FOXN3: variants seen among roughly 807,000 people sequenced by gnomAD.
FOXN3 encodes the protein forkhead box N3.
FOXN3 carries 7 observed loss-of-function variants against 38.4 expected under a neutral mutation model. That is an observed-to-expected ratio of 0.18 (90% CI 0.10 to 0.34). The LOEUF is 0.34. FOXN3 is among the 10% of genes least tolerant of loss of function. FOXN3 has a pLI of 1.00. For synonymous variants in FOXN3, 230 were observed against 242.2 expected (o/e 0.95, Z 0.47); for missense variants, 456 against 613.4 (o/e 0.74, Z 2.71).
chr14:89,433,311 A>G (rs1475095872), intron 1 of FOXN3, among the ~76,000 whole-genome samples: 3 of 152,126 alleles, frequency 2.0e-5, no homozygotes, highest in Non-Finnish European at 2.9e-5. Flanking sequence ...GTGAAACCCC[A>G]TCTCTACTAA....
At chr14:89,360,759 TCCACCACTACC>T (rs1889489304) in intron 2 of FOXN3, among the ~76,000 whole-genome samples, 2 of 38,918 alleles carry the variant, frequency 5.1e-5, no homozygotes, top group Admixed American at 2.4e-4. Flanking sequence ...CACCACCACC[TCCACCACTACC>T]ACCTCCACCA....
At chr14:89,230,003 A>G (rs762360252) in intron 4 of FOXN3, among the ~76,000 whole-genome samples, 10 of 152,194 alleles carry the variant, frequency 6.6e-5, no homozygotes, top group Non-Finnish European at 1.0e-4. Context: ...GACAGGGTAC[A>G]ACACCACTGA....
chr14:89,338,590 G>C (rs1004249276), intron 3 of FOXN3, among the ~76,000 whole-genome samples: 1 of 152,142 alleles, frequency 6.6e-6, no homozygotes, highest in Non-Finnish European at 1.5e-5. Flanking sequence ...GGTCAGGAGT[G>C]CAAGACCAGC....
intron 1 of FOXN3, among the ~76,000 whole-genome samples, chr14:89,499,943 G>A (rs561656622): frequency 6.6e-6 from 1 of 152,018 alleles, no homozygotes; most frequent in South Asian, 2.1e-4. Context: ...TCCGCATCTC[G>A]GGTTCAAGTG....
At chr14:89,387,325 C>T (rs981378766) in intron 2 of FOXN3, among the ~76,000 whole-genome samples, 1 of 152,072 alleles carries the variant, frequency 6.6e-6, no homozygotes. Context: ...ATCTATAGCA[C>T]CAACATGAAG....
At chr14:89,256,976 A>T (rs1223163275) in intron 4 of FOXN3, among the ~76,000 whole-genome samples, 1 of 152,192 alleles carries the variant, frequency 6.6e-6, no homozygotes, top group African/African-American at 2.4e-5. Flanking sequence ...CAAGATATTC[A>T]TTATTTTCTG....
chr14:89,256,263 G>A (rs1885616627), intron 4 of FOXN3, among the ~76,000 whole-genome samples: 2 of 152,166 alleles, frequency 1.3e-5, no homozygotes, highest in African/African-American at 4.8e-5. Flanking sequence ...TCTCTCATAT[G>A]AAAATCAATC....
intron 5 of FOXN3, among the ~76,000 whole-genome samples, chr14:89,178,527 G>A (rs1460279370): frequency 2.0e-5 from 3 of 152,212 alleles, no homozygotes; most frequent in African/African-American, 7.2e-5. Context: ...TGATACACAA[G>A]TTTGGCTCAG....
chr14:89,185,092 T>C (rs979730061), intron 4 of FOXN3, among the ~76,000 whole-genome samples: 2 of 152,212 alleles, frequency 1.3e-5, no homozygotes, highest in African/African-American at 4.8e-5. Context: ...GACTCAGCTC[T>C]TCCTCTGAAT....
At chr14:89,472,720 CAAAA>C (rs1157948946) in intron 1 of FOXN3, among the ~76,000 whole-genome samples, 2 of 46,586 alleles carry the variant, frequency 4.3e-5, no homozygotes, top group Non-Finnish European at 4.4e-5. Flanking sequence ...GACCCCATCT[CAAAA>C]AAAAAAAAAA....
chr14:89,449,642 G>C (rs112391200), intron 1 of FOXN3, among the ~76,000 whole-genome samples: 1 of 152,180 alleles, frequency 6.6e-6, no homozygotes, highest in African/African-American at 2.4e-5. Context: ...GAATTACCAC[G>C]TTTTTGGGGG....
chr14:89,162,626 GCTT>G lies in FOXN3; in HGVS notation c.1192_1194del (p.Lys398del). On this transcript the variant is annotated inframe_deletion, in exon 6 of 6. Transcript: ENST00000557258. The surrounding 1 kb of genome is among the most constrained non-coding windows in gnomAD (Gnocchi z 7.2). ...TTCCTGGCCTTGGCGAAGTGCTGGC[GCTT>G]CTTGTGCTGGGATGCGTACCCGCTG... The G allele has an allele frequency of 6.2e-7, 1 of 1,613,934 alleles. No homozygotes were observed. Among genetic ancestry groups the G allele is most frequent in the Non-Finnish European group, 8.5e-7 (1 of 1,179,946 alleles).
At chr14:89,396,794 T>C (rs908260361) in intron 2 of FOXN3, among the ~76,000 whole-genome samples, 27 of 142,626 alleles carry the variant, frequency 1.9e-4, no homozygotes, top group African/African-American at 6.9e-4. Context: ...ATTGTGCCAC[T>C]GCACTCCAGC....
intron 3 of FOXN3, among the ~76,000 whole-genome samples, chr14:89,293,000 CAG>C (rs1886923164): frequency 1.3e-5 from 2 of 152,228 alleles, no homozygotes; most frequent in South Asian, 4.1e-4. Flanking sequence ...TCTTGCCGGA[CAG>C]TCGGCTAGCT....
At chr14:89,501,795 C>T (rs1206091544) in intron 1 of FOXN3, among the ~76,000 whole-genome samples, 1 of 152,012 alleles carries the variant, frequency 6.6e-6, no homozygotes, top group Non-Finnish European at 1.5e-5. Flanking sequence ...TGGCAGTGAG[C>T]CCAGATCTCA....
chr14:89,522,639 T>G (rs558659986), intron 1 of FOXN3, among the ~76,000 whole-genome samples: 1 of 152,048 alleles, frequency 6.6e-6, no homozygotes, highest in Non-Finnish European at 1.5e-5. Flanking sequence ...ATTTTTATAC[T>G]ATAAATTAAT....
At chr14:89,271,609 G>C (rs1207743871) in intron 4 of FOXN3, among the ~76,000 whole-genome samples, 1 of 152,078 alleles carries the variant, frequency 6.6e-6, no homozygotes, top group Non-Finnish European at 1.5e-5. Flanking sequence ...AAGAATGGGT[G>C]GGTTCCTCTC....
chr14:89,360,604 A>G (rs774639964), intron 2 of FOXN3, among the ~76,000 whole-genome samples: 11 of 142,274 alleles, frequency 7.7e-5, no homozygotes, highest in Admixed American at 2.0e-4. Context: ...GAGGGAGGGA[A>G]GGAGGGAAGG....
At chr14:89,562,739 A>G (rs1310936642) in intron 1 of FOXN3, among the ~76,000 whole-genome samples, 1 of 152,202 alleles carries the variant, frequency 6.6e-6, no homozygotes, top group Non-Finnish European at 1.5e-5. Flanking sequence ...CTAATAGAAG[A>G]TACTCCATTT....
Sources: gnomAD v4.1 joint callset for allele counts (sites outside exome capture counted in the v4.1 genomes callset) on GRCh38, gnomAD v4.1.1 for gene constraint, Gnocchi (gnomAD v3.1) non-coding constraint, MANE v1.5 for transcripts, NCBI Gene and HGNC (gene_info 2026-07-23, HGNC 2026-07-21) for gene names.